The following EPHA3 variants were observed in gnomAD, a reference collection of about 807,000 sequenced individuals.
EPHA3 encodes EPH receptor A3, also known as ephrin type-A receptor 3.
A neutral mutation model predicts 107.1 loss-of-function variants in EPHA3; 42 were observed. That is an observed-to-expected ratio of 0.39 (90% confidence interval 0.31 to 0.51). The LOEUF (loss-of-function observed/expected upper bound fraction) is 0.51, where lower values mean the gene tolerates loss of function less well. Ranked by LOEUF, EPHA3 falls within the 20% of genes least tolerant of loss-of-function variation. The pLI, the probability that EPHA3 is intolerant of heterozygous loss-of-function variation, is 0.78. For missense variants in EPHA3, 1,183 were observed against 1,211.2 expected (o/e 0.98, Z 0.35); for synonymous variants, 461 against 424.8 (o/e 1.09, Z -1.05).
intron 3 of EPHA3, among the ~76,000 whole-genome samples, chr3:89,328,260 A>T (rs1467769442): frequency 6.6e-6 from 1 of 152,114 alleles, no homozygotes. Context: ...TCGACTAATA[A>T]CATGTAGTAG....
At chr3:89,443,747 C>T (rs1161080974) in intron 13 of EPHA3, among the ~76,000 whole-genome samples, 4 of 151,924 alleles carry the variant, frequency 2.6e-5, no homozygotes, top group African/African-American at 4.8e-5. Context: ...GTGAAGGGGG[C>T]CAGGTGGTTA....
intron 5 of EPHA3, among the ~76,000 whole-genome samples, chr3:89,385,889 A>G (rs1474870841): frequency 6.6e-6 from 1 of 152,224 alleles, no homozygotes; most frequent in African/African-American, 2.4e-5. Flanking sequence ...TGATAGTGAT[A>G]TAAACAATGA....
intron 3 of EPHA3, among the ~76,000 whole-genome samples, chr3:89,222,497 T>C (rs1704403673): frequency 6.7e-6 from 1 of 148,778 alleles, no homozygotes; most frequent in Non-Finnish European, 1.5e-5. Flanking sequence ...AATATATGTA[T>C]TATATAAATA....
chr3:89,356,305 T>C (rs1448212025), intron 5 of EPHA3, among the ~76,000 whole-genome samples: 3 of 150,954 alleles, frequency 2.0e-5, no homozygotes, highest in Non-Finnish European at 3.0e-5. Context: ...GGTGTGCATG[T>C]GTCTTTATAG....
Position 89,341,914 on chromosome 3 carries a change from G to A in EPHA3, c.1130G>A (p.Ser377Asn), listed in dbSNP as rs200415022. 9.4e-5 allele frequency: 152 copies of A among 1,613,542 alleles called. No homozygotes were observed. The highest frequency in any genetic ancestry group is 1.0e-4 in the Non-Finnish European group (119 of 1,179,958). ...AATATAAAACAGTGTGAGCCATGCA[G>A]CCCAAATGTCCGCTTCCTCCCTCGA... The part of the protein sequence containing the change: ...GWNIKQCEPC[S>N]PNVRFLPRQF... Residue 377 changes from serine (S) to asparagine (N), a missense_variant, in exon 5 of 17, where the codon AGC becomes AAC. Physicochemically the swap from Ser to Asn is conservative, Grantham distance 46. Transcript: ENST00000336596.
intron 2 of EPHA3, among the ~76,000 whole-genome samples, chr3:89,179,098 G>A (rs935741801): frequency 6.6e-6 from 1 of 151,604 alleles, no homozygotes; most frequent in African/African-American, 2.4e-5. Flanking sequence ...TATACCTAAT[G>A]AACCATTTGA....
At chr3:89,353,048 C>T (rs1340102432) in intron 5 of EPHA3, among the ~76,000 whole-genome samples, 1 of 150,576 alleles carries the variant, frequency 6.6e-6, no homozygotes, top group Non-Finnish European at 1.5e-5. Flanking sequence ...TCTTTTGGAA[C>T]TTAGTGTATG....
At chr3:89,408,212 T>G (rs1387522482) in intron 9 of EPHA3, 81 bp downstream of exon 9, 3 of 1,369,172 alleles carry the variant, frequency 2.2e-6, no homozygotes, top group Non-Finnish European at 3.1e-6. Flanking sequence ...GTTAACTTCC[T>G]CCTGACAAAG....
intron 10 of EPHA3, among the ~76,000 whole-genome samples, chr3:89,414,986 T>C (rs907532021): frequency 2.3e-4 from 35 of 151,768 alleles, no homozygotes; most frequent in Middle Eastern, 3.4e-3. Context: ...ACATTTGCCA[T>C]GTTAAGAACA....
At chr3:89,260,980 T>A (rs1705401843) in intron 3 of EPHA3, among the ~76,000 whole-genome samples, 2 of 152,200 alleles carry the variant, frequency 1.3e-5, no homozygotes, top group Non-Finnish European at 2.9e-5. Context: ...TCTTCCATTA[T>A]CTGCACATTT....
At chr3:89,239,797 C>T (rs1415015273) in intron 3 of EPHA3, among the ~76,000 whole-genome samples, 1 of 152,178 alleles carries the variant, frequency 6.6e-6, no homozygotes, top group South Asian at 2.1e-4. Context: ...TAGGTTGAGC[C>T]TTTCTGACTT....
intron 5 of EPHA3, among the ~76,000 whole-genome samples, chr3:89,378,255 G>A (rs1471008821): frequency 6.6e-6 from 1 of 152,072 alleles, no homozygotes; most frequent in Non-Finnish European, 1.5e-5. Context: ...AGAACTTAAA[G>A]TATAATAAAA....
At chr3:89,333,506 C>G (rs1707333188) in intron 3 of EPHA3, among the ~76,000 whole-genome samples, 1 of 152,156 alleles carries the variant, frequency 6.6e-6, no homozygotes, top group Non-Finnish European at 1.5e-5. Flanking sequence ...CGATAATGCA[C>G]AAGCATGCCG....
At chr3:89,440,974 G>C (rs557821655) in intron 13 of EPHA3, among the ~76,000 whole-genome samples, 1 of 152,180 alleles carries the variant, frequency 6.6e-6, no homozygotes, top group Non-Finnish European at 1.5e-5. Context: ...AAAGTTCAAA[G>C]AGCTATGGTC....
At chr3:89,450,452 C>T (rs1299654800) in intron 15 of EPHA3, 82 bp downstream of exon 15, 3 of 1,331,586 alleles carry the variant, frequency 2.3e-6, no homozygotes, top group Non-Finnish European at 3.1e-6. Flanking sequence ...TTTAGCCCAC[C>T]CCCAAAATGC....
In EPHA3 at chr3:89,479,435, A is replaced by C; in HGVS notation, c.2885A>C (p.Gln962Pro). 6.2e-7 allele frequency: 1 copy of C among 1,614,164 alleles called. No homozygotes were observed. The highest frequency in any genetic ancestry group is 1.3e-5 in the African/African-American group (1 of 75,074). Reference protein sequence around the residue: ...KKVGVTVVGPQKKIISSIKAL... With the variant: ...KKVGVTVVGPPKKIISSIKAL... ...GTTGGTGTCACCGTGGTTGGGCCAC[A>C]GAAGAAGATCATCAGTAGCATTAAA... is the stretch of plus-strand genomic sequence containing the variant. The change falls in exon 17 of 17, where the codon CAG becomes CCG. Residue 962 changes from glutamine to proline, a missense_variant. Transcript: ENST00000336596.
chr3:89,275,016 T>G (rs1000757037), intron 3 of EPHA3, among the ~76,000 whole-genome samples: 4 of 152,058 alleles, frequency 2.6e-5, no homozygotes, highest in African/African-American at 9.7e-5. Context: ...ATTAATACTT[T>G]CAGAACTTTG....
intron 3 of EPHA3, among the ~76,000 whole-genome samples, chr3:89,312,443 T>A (rs1289957273): frequency 6.6e-6 from 1 of 151,748 alleles, no homozygotes; most frequent in Non-Finnish European, 1.5e-5. Flanking sequence ...GTTTTAATTA[T>A]TCCTTTCTGA....
At chr3:89,309,624 C>G (rs533801516) in intron 3 of EPHA3, among the ~76,000 whole-genome samples, 1 of 152,018 alleles carries the variant, frequency 6.6e-6, no homozygotes, top group Non-Finnish European at 1.5e-5. Context: ...GAGCACTAAG[C>G]GTAGCTAGAT....
Sources: allele counts gnomAD v4.1 joint callset (sites outside exome capture counted in the v4.1 genomes callset), GRCh38; gene constraint gnomAD v4.1.1; transcripts MANE v1.5; gene names NCBI Gene and HGNC (gene_info 2026-07-23, HGNC 2026-07-21).